CSMD1: variants seen among roughly 807,000 people sequenced by gnomAD.
The protein encoded by CSMD1 is CUB and Sushi multiple domains 1.
Under a neutral mutation model 417.5 loss-of-function variants are expected in CSMD1, and 213 were observed. The observed-to-expected ratio is 0.51, with a 90% CI of 0.46 to 0.57. The LOEUF (loss-of-function observed/expected upper bound fraction) is 0.57, where lower values mean the gene tolerates loss of function less well. Ranked by LOEUF, CSMD1 falls within the 20% of genes least tolerant of loss-of-function variation. The pLI, the probability that CSMD1 is intolerant of heterozygous loss-of-function variation, is 0.00. For missense variants in CSMD1, 6,923 were observed against 4,529.7 expected, an observed-to-expected ratio of 1.53 and a Z score of -15.17; for synonymous variants, 2,862 against 1,736.8, an observed-to-expected ratio of 1.65 and a Z score of -16.11.
intron 12 of CSMD1, among the ~76,000 whole-genome samples, chr8:3,442,819 T>C (rs1815075504): frequency 6.6e-6 from 1 of 151,792 alleles, no homozygotes; most frequent in African/African-American, 2.4e-5. Flanking sequence ...ATGAGAGATA[T>C]TAGTACATAG....
chr8:4,262,834 G>A (rs778382147), intron 3 of CSMD1, among the ~76,000 whole-genome samples: 3 of 152,066 alleles, frequency 2.0e-5, no homozygotes, highest in Non-Finnish European at 4.4e-5. Context: ...CTAAGCCTTG[G>A]CTTTAATCAA....
intron 1 of CSMD1, among the ~76,000 whole-genome samples, chr8:4,768,702 G>A (rs913633410): frequency 1.3e-5 from 2 of 152,158 alleles, no homozygotes; most frequent in South Asian, 2.1e-4. Flanking sequence ...ACACTTACCC[G>A]AGGCACTGGA....
chr8:3,064,492 G>C (rs2128995374), intron 49 of CSMD1, among the ~76,000 whole-genome samples: 1 of 152,294 alleles, frequency 6.6e-6, no homozygotes, highest in East Asian at 1.9e-4. Flanking sequence ...ACAGAACTGT[G>C]AGTCAATTAG....
chr8:4,281,897 A>G (rs1233046909), intron 3 of CSMD1, among the ~76,000 whole-genome samples: 1 of 152,238 alleles, frequency 6.6e-6, no homozygotes, highest in Admixed American at 6.5e-5. Flanking sequence ...GCAAAGGCTT[A>G]TAAAGGTTAA....
chr8:4,040,003 C>T (rs17068675), intron 3 of CSMD1, among the ~76,000 whole-genome samples: 22,607 of 152,160 alleles, frequency 0.15, 2,392 homozygotes, highest in East Asian at 0.39. Flanking sequence ...TTAAGTGCCC[C>T]ATACATGTCA....
rs545336628 is a variant in CSMD1 at position 3,178,523 on chromosome 8, G to A, written c.5725+2587C>T. On this transcript the variant is annotated intron_variant, in intron 37 of 69. Coordinates refer to ENST00000635120, the MANE Select transcript of CSMD1 (RefSeq NM_033225.6). The stretch of plus-strand genomic sequence containing the variant: ...GCAAGGTGCTCAGTAAATGGTATTC[G>A]TAATAAAATGCACTTTTCATGCCTG... 1.5e-4 allele frequency among the ~76,000 whole-genome samples: 23 copies of A among 152,242 alleles called. No homozygotes were observed. The South Asian group carries it at 2.5e-3, about 16-fold the overall frequency.
intron 21 of CSMD1, among the ~76,000 whole-genome samples, chr8:3,353,332 T>C (rs1320889501): frequency 6.6e-6 from 1 of 152,212 alleles, no homozygotes; most frequent in East Asian, 1.9e-4. Flanking sequence ...GAAGAATTCT[T>C]GCGGAAGCTT....
intron 3 of CSMD1, among the ~76,000 whole-genome samples, chr8:4,313,713 G>A (rs953106956): frequency 6.6e-6 from 1 of 151,988 alleles, no homozygotes; most frequent in African/African-American, 2.4e-5. Flanking sequence ...AAGGTCATAT[G>A]ACTTAAAAAA....
chr8:3,394,708 T>G (rs903239769), intron 17 of CSMD1, among the ~76,000 whole-genome samples: 6 of 152,300 alleles, frequency 3.9e-5, no homozygotes, highest in Admixed American at 3.9e-4. Context: ...CTGCAATGTT[T>G]ACACATATTG....
intron 3 of CSMD1, among the ~76,000 whole-genome samples, chr8:4,251,806 A>C (rs1803099590): frequency 6.8e-6 from 1 of 146,960 alleles, no homozygotes; most frequent in South Asian, 2.3e-4. Context: ...AAGATGGAGA[A>C]GGACAGATGG....
chr8:3,771,613 T>C (rs933586997), intron 5 of CSMD1, among the ~76,000 whole-genome samples: 8 of 152,092 alleles, frequency 5.3e-5, no homozygotes, highest in Admixed American at 3.9e-4. Flanking sequence ...CAGCATCAAG[T>C]TGGAGAAAGG....
intron 54 of CSMD1, among the ~76,000 whole-genome samples, chr8:2,979,782 C>A (rs113609012): frequency 3.3e-5 from 5 of 152,334 alleles, no homozygotes; most frequent in African/African-American, 1.2e-4. Context: ...TCCTAAAACA[C>A]CCCTGAGTTT....
intron 3 of CSMD1, among the ~76,000 whole-genome samples, chr8:4,317,512 G>C (rs764674738): frequency 6.6e-6 from 1 of 152,174 alleles, no homozygotes; most frequent in Non-Finnish European, 1.5e-5. Context: ...GCTAAGGTAA[G>C]TGACTTTTCT....
At chr8:4,412,487 C>T (rs1358724365) in intron 3 of CSMD1, among the ~76,000 whole-genome samples, 5 of 152,174 alleles carry the variant, frequency 3.3e-5, no homozygotes, top group Non-Finnish European at 5.9e-5. Flanking sequence ...CGGTTCCTGT[C>T]CAGCCTGCAG....
intron 6 of CSMD1, among the ~76,000 whole-genome samples, chr8:3,747,367 G>A (rs562358877): frequency 3.5e-4 from 49 of 139,794 alleles, no homozygotes; most frequent in Non-Finnish European, 7.0e-4. Flanking sequence ...AGATTGTTCT[G>A]ATCATCTTTG....
At chr8:4,303,061 G>C (rs1168622592) in intron 3 of CSMD1, among the ~76,000 whole-genome samples, 5 of 152,026 alleles carry the variant, frequency 3.3e-5, no homozygotes, top group East Asian at 3.9e-4. Flanking sequence ...AAGGAAGTAG[G>C]TATAAAAATG....
intron 5 of CSMD1, among the ~76,000 whole-genome samples, chr8:3,839,542 A>G (rs1460397559): frequency 1.6e-5 from 2 of 128,110 alleles, no homozygotes; most frequent in Non-Finnish European, 3.2e-5. Context: ...AAGATTTTAT[A>G]TATTATATAT....
intron 1 of CSMD1, among the ~76,000 whole-genome samples, chr8:4,645,069 C>T (rs1324162736): frequency 6.6e-6 from 1 of 152,150 alleles, no homozygotes; most frequent in Non-Finnish European, 1.5e-5. Context: ...ATTCCAAAAG[C>T]AGAGTTGCTA....
chr8:3,131,434 T>C (rs1817787098), intron 41 of CSMD1, among the ~76,000 whole-genome samples: 1 of 151,164 alleles, frequency 6.6e-6, no homozygotes, highest in South Asian at 2.1e-4. Context: ...GGATTATCTA[T>C]GATTTGGTGA....
Sources: allele counts gnomAD v4.1 joint callset (sites outside exome capture counted in the v4.1 genomes callset), GRCh38; gene constraint gnomAD v4.1.1; transcripts MANE v1.5; gene names NCBI Gene and HGNC (gene_info 2026-07-23, HGNC 2026-07-21).